Variants in SEMA5A observed in about 807,000 individuals in gnomAD.
SEMA5A encodes semaphorin-5A.
A neutral mutation model predicts 135.5 loss-of-function variants in SEMA5A; 55 were observed. That is an observed-to-expected ratio of 0.41 (90% CI 0.33 to 0.51). The LOEUF is 0.51. Ranked by LOEUF, SEMA5A falls within the 20% of genes least tolerant of loss-of-function variation. The pLI, the probability that SEMA5A is intolerant of heterozygous loss-of-function variation, is 0.37. For synonymous variants in SEMA5A, 580 were observed against 546.5 expected (o/e 1.06, Z -0.85); for missense variants, 1,290 against 1,419.9 (o/e 0.91, Z 1.47).
At chr5:9,118,904 G>A in intron 15 of SEMA5A, 94 bp downstream of exon 15, 1 of 1,480,848 alleles carries the variant, frequency 6.8e-7, no homozygotes, top group African/African-American at 1.4e-5. Context: ...CATAAGCTTA[G>A]GCAGATCCAA....
chr5:9,321,382 TC>T (rs1752621170), intron 4 of SEMA5A, among the ~76,000 whole-genome samples: 2 of 152,124 alleles, frequency 1.3e-5, no homozygotes, highest in African/African-American at 4.8e-5. Context: ...GCAGCTCAGC[TC>T]CCCACCCTCA....
intron 1 of SEMA5A, among the ~76,000 whole-genome samples, chr5:9,441,091 C>G (rs527554693): frequency 6.6e-6 from 1 of 152,206 alleles, no homozygotes; most frequent in African/African-American, 2.4e-5. Flanking sequence ...TCAGTCCCTC[C>G]GTTAATCACC....
At chr5:9,238,417 C>G (rs1748024959) in intron 5 of SEMA5A, among the ~76,000 whole-genome samples, 1 of 152,066 alleles carries the variant, frequency 6.6e-6, no homozygotes, top group African/African-American at 2.4e-5. Flanking sequence ...ATGCAAAGAA[C>G]ATAGCTAGGA....
intron 2 of SEMA5A, among the ~76,000 whole-genome samples, chr5:9,384,609 T>G (rs1238424863): frequency 8.1e-6 from 1 of 123,664 alleles, no homozygotes; most frequent in East Asian, 2.3e-4. Context: ...GATAGATAGA[T>G]AGATAGATAC....
At chr5:9,072,055 A>G (rs1384096345) in intron 16 of SEMA5A, among the ~76,000 whole-genome samples, 2 of 152,232 alleles carry the variant, frequency 1.3e-5, no homozygotes, top group Non-Finnish European at 2.9e-5. Context: ...TGCATTCAAA[A>G]TTATATGGTC....
chr5:9,383,266 A>T (rs1026612869), intron 2 of SEMA5A, among the ~76,000 whole-genome samples: 1 of 152,266 alleles, frequency 6.6e-6, no homozygotes, highest in African/African-American at 2.4e-5. Flanking sequence ...GAGACTTAAG[A>T]TATGAAATGT....
chr5:9,524,785 T>A (rs1352742799), intron 1 of SEMA5A, among the ~76,000 whole-genome samples: 1 of 152,194 alleles, frequency 6.6e-6, no homozygotes, highest in Non-Finnish European at 1.5e-5. Flanking sequence ...CATAAACACT[T>A]TTTTTGGGTG....
chr5:9,123,730 T>G (rs2150188691), intron 13 of SEMA5A, among the ~76,000 whole-genome samples: 1 of 152,278 alleles, frequency 6.6e-6, no homozygotes, highest in African/African-American at 2.4e-5. Flanking sequence ...CAGAACATAT[T>G]TAAAGAGTAT....
intron 4 of SEMA5A, among the ~76,000 whole-genome samples, chr5:9,323,872 G>A (rs192660387): frequency 1.3e-5 from 2 of 151,432 alleles, no homozygotes; most frequent in East Asian, 3.9e-4. Flanking sequence ...ATGTTAGCCA[G>A]GCTGGTCTTG....
intron 5 of SEMA5A, among the ~76,000 whole-genome samples, chr5:9,263,126 GA>G (rs1436568507): frequency 6.6e-6 from 1 of 150,998 alleles, no homozygotes; most frequent in African/African-American, 2.4e-5. Flanking sequence ...TGTATTTGAA[GA>G]AACCCACAAT....
At chr5:9,188,815 T>C (rs1221668570) in intron 11 of SEMA5A, among the ~76,000 whole-genome samples, 2 of 152,184 alleles carry the variant, frequency 1.3e-5, no homozygotes, top group Non-Finnish European at 1.5e-5. Context: ...CAAAATCCTT[T>C]CCTTGACCTC....
rs776640165 is a variant in SEMA5A at position 9,051,977 on chromosome 5, T to C, written c.2741A>G (p.Gln914Arg). The C allele has an allele frequency of 3.5e-5, 57 of 1,613,682 alleles. 2 individuals carry two copies. The South Asian group carries it at 4.5e-4, about 13-fold the overall frequency. ...GAGGATGCACTGGCGGGCGCGGACT[T>C]GGACGCCAGAGGCTTCACACTCAGA... is the stretch of plus-strand genomic sequence containing the variant. ...DWSECEASGVQVRARQCILLF... is the reference protein window; with the variant it reads ...DWSECEASGVRVRARQCILLF... Residue 914 changes from glutamine to arginine, a missense_variant, in exon 20 of 23, where the codon CAA becomes CGA. Coordinates refer to ENST00000382496, the MANE Select transcript of SEMA5A (RefSeq NM_003966.3).
intron 1 of SEMA5A, among the ~76,000 whole-genome samples, chr5:9,441,390 T>C (rs1250042602): frequency 6.6e-6 from 1 of 151,764 alleles, no homozygotes; most frequent in African/African-American, 2.4e-5. Flanking sequence ...AAACAGTAGA[T>C]GAGGGAGGAA....
At chr5:9,331,785 G>T (rs905148171) in intron 4 of SEMA5A, among the ~76,000 whole-genome samples, 4 of 152,236 alleles carry the variant, frequency 2.6e-5, no homozygotes, top group Admixed American at 2.6e-4. Context: ...ATCGTTTAAG[G>T]GTTTTGAATA....
chr5:9,042,875 G>A lies in SEMA5A; in HGVS notation c.*22C>T, dbSNP rs1328324333. 1 of 1,613,408 alleles carries A rather than the reference G, an allele frequency of 6.2e-7. No homozygotes were observed. The highest frequency in any genetic ancestry group is 1.3e-5 in the African/African-American group (1 of 74,894). ...GCCTTGAGGAACTGGGGATTTACAA[G>A]AAGCCAAAAACATGAAAGCTGTTAG... On this transcript the variant is annotated 3_prime_UTR_variant, in exon 23 of 23. Coordinates refer to ENST00000382496, the MANE Select transcript of SEMA5A (RefSeq NM_003966.3).
chr5:9,183,740 C>G (rs968664934), intron 11 of SEMA5A, among the ~76,000 whole-genome samples: 4 of 152,162 alleles, frequency 2.6e-5, no homozygotes, highest in Non-Finnish European at 4.4e-5. Context: ...AAAATGGGTC[C>G]CCAACACCTC....
chr5:9,296,041 T>A (rs1444965389), intron 5 of SEMA5A, among the ~76,000 whole-genome samples: 1 of 152,066 alleles, frequency 6.6e-6, no homozygotes, highest in African/African-American at 2.4e-5. Flanking sequence ...TAATTACTTA[T>A]CAACTAAGGG....
chr5:9,294,481 C>T (rs1175510019), intron 5 of SEMA5A, among the ~76,000 whole-genome samples: 2 of 152,228 alleles, frequency 1.3e-5, no homozygotes, highest in Non-Finnish European at 2.9e-5. Flanking sequence ...GCTCCTCACA[C>T]AAATATGGAT....
chr5:9,254,278 A>C (rs1480572352), intron 5 of SEMA5A, among the ~76,000 whole-genome samples: 3 of 152,218 alleles, frequency 2.0e-5, no homozygotes, highest in Non-Finnish European at 4.4e-5. Flanking sequence ...TAATTGTAAT[A>C]CAAGTTGAGA....
Sources: gnomAD v4.1 joint callset for allele counts (sites outside exome capture counted in the v4.1 genomes callset) on GRCh38, gnomAD v4.1.1 for gene constraint, MANE v1.5 for transcripts, NCBI Gene and HGNC (gene_info 2026-07-23, HGNC 2026-07-21) for gene names.